EIPR1: variants seen among roughly 807,000 people sequenced by gnomAD.
EIPR1 encodes the protein EARP and GARP complex-interacting protein 1.
A neutral mutation model predicts 48.1 loss-of-function variants in EIPR1; 25 were observed. The observed-to-expected ratio is 0.52, with a 90% CI of 0.38 to 0.73. EIPR1 has a LOEUF of 0.73. Among genes scored for constraint, EIPR1 ranks in the 30% least tolerant of loss-of-function variants. The probability of loss-of-function intolerance (pLI) is 0.00; values close to 1 mark genes in which losing one functional copy is unlikely to be tolerated. For synonymous variants in EIPR1, 204 were observed against 201.9 expected, an observed-to-expected ratio of 1.01 and a Z score of -0.09; for missense variants, 415 against 506.2, an observed-to-expected ratio of 0.82 and a Z score of 1.73.
At chr2:3,301,001 C>A (rs1296074649) in intron 3 of EIPR1, 1 of 152,084 alleles carries the variant, frequency 6.6e-6, no homozygotes, top group Admixed American at 6.5e-5. Context: ...ATTCATAGGG[C>A]TAAATTATCA....
intron 4 of EIPR1, among the ~76,000 whole-genome samples, chr2:3,256,647 T>TA (rs1667165456): frequency 6.6e-6 from 1 of 152,230 alleles, no homozygotes; most frequent in Non-Finnish European, 1.5e-5. Flanking sequence ...TAAACACTCA[T>TA]AACAACAGTA....
At chr2:3,262,415 T>C (rs748129077) in intron 3 of EIPR1, among the ~76,000 whole-genome samples, 94 of 152,328 alleles carry the variant, frequency 6.2e-4, no homozygotes, top group Non-Finnish European at 1.2e-3. Context: ...ACACCAGGAC[T>C]TCCCCTCCAG....
chr2:3,193,886 A>G, intron 7 of EIPR1, 113 bp downstream of exon 7: 1 of 1,152,422 alleles, frequency 8.7e-7, no homozygotes, highest in Admixed American at 2.7e-5. Context: ...GGTTGATTGA[A>G]TGATTCACAG....
At chr2:3,376,261 G>A (rs1659879569) in intron 1 of EIPR1, among the ~76,000 whole-genome samples, 1 of 152,124 alleles carries the variant, frequency 6.6e-6, no homozygotes, top group Admixed American at 6.6e-5. Flanking sequence ...GGAGGGAGAT[G>A]CATATTTTAT....
chr2:3,195,449 C>A (rs1377850132), intron 6 of EIPR1, among the ~76,000 whole-genome samples: 2 of 152,230 alleles, frequency 1.3e-5, no homozygotes, highest in South Asian at 2.1e-4. Flanking sequence ...CAATTCCTTT[C>A]ATCTTTTTCT....
At chr2:3,371,096 A>C (rs1344223455) in intron 1 of EIPR1, among the ~76,000 whole-genome samples, 3 of 152,244 alleles carry the variant, frequency 2.0e-5, no homozygotes, top group Admixed American at 6.5e-5. Context: ...ACATTCTTAA[A>C]GAAAATAATT....
chr2:3,233,413 T>C (rs1375322430), intron 4 of EIPR1, among the ~76,000 whole-genome samples: 1 of 152,216 alleles, frequency 6.6e-6, no homozygotes, highest in Non-Finnish European at 1.5e-5. Flanking sequence ...AAAGACTTCT[T>C]GGCACACTTT....
chr2:3,280,716 C>T (rs1431548849), intron 3 of EIPR1, among the ~76,000 whole-genome samples: 1 of 152,166 alleles, frequency 6.6e-6, no homozygotes, highest in Non-Finnish European at 1.5e-5. Flanking sequence ...GCATGGCTTC[C>T]ACAATATGGC....
Position 3,256,169 on chromosome 2 carries a change from C to G in EIPR1, c.416+1130G>C, listed in dbSNP as rs1667148711. 2.0e-5 allele frequency among the ~76,000 whole-genome samples: 3 copies of G among 152,174 alleles called. No individual in the cohort carries two copies. The South Asian group carries it at 6.2e-4, about 32-fold the overall frequency. On this transcript the variant is annotated intron_variant, in intron 4 of 8. Transcript: ENST00000382125. ...CACAAACTGATACACAGAGAGCATC[C>G]GGAGCCACAGACTGCCTGACCCTCA... is the stretch of plus-strand genomic sequence containing the variant.
chr2:3,284,312 G>A (rs1334028719), intron 3 of EIPR1, among the ~76,000 whole-genome samples: 6 of 107,382 alleles, frequency 5.6e-5, no homozygotes, highest in East Asian at 5.3e-4. Context: ...ACAGAAGGCC[G>A]TGCCACGGCT....
intron 3 of EIPR1, among the ~76,000 whole-genome samples, chr2:3,307,937 T>C (rs761458077): frequency 6.6e-6 from 1 of 152,130 alleles, no homozygotes; most frequent in Non-Finnish European, 1.5e-5. Context: ...TATCAAAATA[T>C]CACATGTACC....
intron 1 of EIPR1, among the ~76,000 whole-genome samples, chr2:3,364,882 T>C (rs1670936695): frequency 6.6e-6 from 1 of 152,000 alleles, no homozygotes; most frequent in African/African-American, 2.4e-5. Flanking sequence ...AAATATACAG[T>C]TGGATAGAGG....
intron 1 of EIPR1, among the ~76,000 whole-genome samples, chr2:3,373,759 C>T (rs1038084634): frequency 6.6e-6 from 1 of 151,908 alleles, no homozygotes; most frequent in Non-Finnish European, 1.5e-5. Flanking sequence ...ACATTCCATG[C>T]TCATGGGTAG....
chr2:3,345,217 C>T (rs192809358), intron 2 of EIPR1, among the ~76,000 whole-genome samples: 3 of 152,192 alleles, frequency 2.0e-5, no homozygotes, highest in East Asian at 1.9e-4. Context: ...GCTGAAGTAC[C>T]GGCTCTTCCT....
At position 3,219,341 on chromosome 2, in the gene EIPR1, C is replaced by A. The variant is rs1397296098; in HGVS notation, c.417-5093G>T. Reference sequence around the variant, plus strand: ...ACACTCAACACGACCCTGGTATAATCTAGAGCATTCACAGTGACTCAGGTG... The same window carrying A: ...ACACTCAACACGACCCTGGTATAATATAGAGCATTCACAGTGACTCAGGTG... On this transcript the variant is annotated intron_variant, in intron 4 of 8. Transcript: ENST00000382125. Among the ~76,000 whole-genome samples, 6 of 150,312 alleles carry A rather than the reference C, an allele frequency of 4.0e-5. 2 individuals carry two copies.
At position 3,285,445 on chromosome 2, in the gene EIPR1, G is replaced by A. The variant is rs61661265; in HGVS notation, c.260-27990C>T. ...GCCTCTGCTTCTATCAAGGCTCAGG[G>A]CCAATTAAACACTGAGCGTTGGGGA... On this transcript the variant is annotated intron_variant, in intron 3 of 8. Transcript: ENST00000382125. Among the ~76,000 whole-genome samples, 236 of 152,188 alleles carry A rather than the reference G, an allele frequency of 1.6e-3. 6 individuals are homozygous for A. The East Asian group carries it at 0.042, about 27-fold the overall frequency.
intron 3 of EIPR1, among the ~76,000 whole-genome samples, chr2:3,334,727 T>G (rs1669994642): frequency 1.3e-5 from 2 of 152,394 alleles, no homozygotes; most frequent in Admixed American, 1.3e-4. Flanking sequence ...ATCTCAGTTC[T>G]GCTATGGCAG....
At chr2:3,318,438 T>C (rs1453786811) in intron 3 of EIPR1, among the ~76,000 whole-genome samples, 1 of 152,174 alleles carries the variant, frequency 6.6e-6, no homozygotes, top group Non-Finnish European at 1.5e-5. Flanking sequence ...AAACAGCACA[T>C]TAATTCCACT....
chr2:3,377,378 C>A, intron 1 of EIPR1: 1 of 408,988 alleles, frequency 2.4e-6, no homozygotes, highest in Non-Finnish European at 4.3e-6. Flanking sequence ...ATGAGTCCAC[C>A]AAAGTGAGTG....
Sources: gnomAD v4.1 joint callset for allele counts (sites outside exome capture counted in the v4.1 genomes callset) on GRCh38, gnomAD v4.1.1 for gene constraint, MANE v1.5 for transcripts, NCBI Gene and HGNC (gene_info 2026-07-23, HGNC 2026-07-21) for gene names.